The following RBFOX1 variants were observed in gnomAD, a reference collection of about 807,000 sequenced individuals.
RBFOX1 encodes the protein RNA binding protein fox-1 homolog 1.
A neutral mutation model predicts 57.7 loss-of-function variants in RBFOX1; 8 were observed. The ratio of observed to expected loss-of-function variants is 0.14; its 90% CI spans 0.08 to 0.25. The LOEUF (loss-of-function observed/expected upper bound fraction) is 0.25, where lower values mean the gene tolerates loss of function less well. Ranked by LOEUF, RBFOX1 falls within the 10% of genes least tolerant of loss-of-function variation. The pLI, the probability that RBFOX1 is intolerant of heterozygous loss-of-function variation, is 1.00. For missense variants in RBFOX1, 611 were observed against 548.5 expected (o/e 1.11, Z -1.14); for synonymous variants, 326 against 222.4 (o/e 1.47, Z -4.15).
At chr16:6,907,725 C>T (rs761492559) in intron 3 of RBFOX1, among the ~76,000 whole-genome samples, 4 of 152,066 alleles carry the variant, frequency 2.6e-5, no homozygotes, top group African/African-American at 7.2e-5. Context: ...CATGCACCAC[C>T]ATGCTTGGCT....
At position 5,673,795 on chromosome 16, in the gene RBFOX1, C is replaced by G. The variant is rs567042083; in HGVS notation, c.318+74834C>G. Among the ~76,000 whole-genome samples the G allele has an allele frequency of 1.1e-4, 17 of 152,314 alleles. No homozygotes were observed. The South Asian group carries it at 1.2e-3, about 11-fold the overall frequency. The stretch of plus-strand genomic sequence containing the variant: ...GCAGTGCATCACTGTAATTCTTGGC[C>G]TCATTGTAGGCCTTGTGGCTCTTTC... On this transcript the variant is annotated intron_variant, in intron 3 of 19. Transcript: ENST00000641259.
intron 7 of RBFOX1, among the ~76,000 whole-genome samples, chr16:7,587,881 G>A (rs2094211777): frequency 1.3e-5 from 2 of 152,196 alleles, no homozygotes; most frequent in African/African-American, 4.8e-5. Flanking sequence ...TTCAGGAGAG[G>A]TTCTGTTTCA....
At chr16:7,696,564 C>T (rs1379009755) in intron 14 of RBFOX1, among the ~76,000 whole-genome samples, 2 of 152,108 alleles carry the variant, frequency 1.3e-5, no homozygotes, top group Non-Finnish European at 2.9e-5. Flanking sequence ...CGATTAATAT[C>T]TCTAGTCCTT....
intron 4 of RBFOX1, among the ~76,000 whole-genome samples, chr16:7,234,440 G>A (rs746307860): frequency 2.6e-5 from 4 of 152,094 alleles, no homozygotes; most frequent in Non-Finnish European, 4.4e-5. Context: ...AGTGCAAGAT[G>A]CCATCAATAA....
chr16:5,737,697 C>G (rs1280259405), intron 3 of RBFOX1, among the ~76,000 whole-genome samples: 1 of 152,058 alleles, frequency 6.6e-6, no homozygotes, highest in Non-Finnish European at 1.5e-5. Context: ...ACAACCCCTT[C>G]TACAGAGCTC....
intron 1 of RBFOX1, among the ~76,000 whole-genome samples, chr16:5,411,194 C>G (rs1459132313): frequency 6.6e-6 from 1 of 152,200 alleles, no homozygotes; most frequent in Non-Finnish European, 1.5e-5. Flanking sequence ...CCTTAATCCC[C>G]AGAAAGTGCG....
At chr16:5,326,677 C>G (rs1024259750) in intron 1 of RBFOX1, among the ~76,000 whole-genome samples, 1 of 152,160 alleles carries the variant, frequency 6.6e-6, no homozygotes, top group Non-Finnish European at 1.5e-5. Context: ...AGAGGTTATC[C>G]GTTCCAATTA....
At chr16:6,681,062 G>C (rs762667901) in intron 3 of RBFOX1, among the ~76,000 whole-genome samples, 2 of 152,156 alleles carry the variant, frequency 1.3e-5, no homozygotes, top group Non-Finnish European at 2.9e-5. Context: ...CATAATGCCA[G>C]TCCTTTGCAA....
At chr16:5,870,152 A>G (rs2057434472) in intron 4 of RBFOX1, among the ~76,000 whole-genome samples, 1 of 148,986 alleles carries the variant, frequency 6.7e-6, no homozygotes, top group Admixed American at 6.7e-5. Context: ...TCTATATATT[A>G]TTTATATATA....
chr16:7,652,369 T>C lies in RBFOX1; in HGVS notation c.758-1446T>C, dbSNP rs768063290. 1.4e-4 allele frequency among the ~76,000 whole-genome samples: 22 copies of C among 152,304 alleles called. No homozygotes were observed. In the South Asian group the frequency reaches 2.1e-3, roughly 14 times the overall value. ...CTAACTCCTCCTCACCTCCTCATCT[T>C]GCTCAGAGAATTTTACCCAAGGGAA... is the stretch of plus-strand genomic sequence containing the variant. On this transcript the variant is annotated intron_variant, in intron 11 of 15. Transcript: ENST00000550418.
intron 3 of RBFOX1, among the ~76,000 whole-genome samples, chr16:6,918,570 A>C (rs1048030106): frequency 1.3e-5 from 2 of 152,164 alleles, no homozygotes; most frequent in African/African-American, 4.8e-5. Flanking sequence ...TCATTTAAAG[A>C]ATAAGTAACC....
At chr16:5,321,606 A>G (rs2151250277) in intron 1 of RBFOX1, among the ~76,000 whole-genome samples, 1 of 152,138 alleles carries the variant, frequency 6.6e-6, no homozygotes, top group East Asian at 1.9e-4. Context: ...CGTGAGCCAC[A>G]GCGCCTGGCC....
chr16:6,395,620 T>C (rs374736426), intron 2 of RBFOX1, among the ~76,000 whole-genome samples: 1 of 152,136 alleles, frequency 6.6e-6, no homozygotes, highest in South Asian at 2.1e-4. Flanking sequence ...ATTCATAACA[T>C]TTGGATTATT....
chr16:7,281,014 TCC>T, intron 4 of RBFOX1, among the ~76,000 whole-genome samples: 1 of 127,750 alleles, frequency 7.8e-6, no homozygotes. Flanking sequence ...CTTCCTTCCT[TCC>T]TTCCGAGACA....
chr16:5,801,847 T>C (rs544523055), intron 3 of RBFOX1, among the ~76,000 whole-genome samples: 1 of 152,296 alleles, frequency 6.6e-6, no homozygotes, highest in South Asian at 2.1e-4. Context: ...ATCAGAATGT[T>C]CAGTTTTGCT....
chr16:6,817,278 T>A (rs931383987), intron 3 of RBFOX1, among the ~76,000 whole-genome samples: 2 of 152,160 alleles, frequency 1.3e-5, no homozygotes, highest in African/African-American at 4.8e-5. Flanking sequence ...ACCACCTTAA[T>A]GTGTCATAGC....
At chr16:7,433,964 G>C (rs1480891691) in intron 4 of RBFOX1, among the ~76,000 whole-genome samples, 2 of 152,162 alleles carry the variant, frequency 1.3e-5, no homozygotes, top group African/African-American at 4.8e-5. Flanking sequence ...ATAGTTAAGT[G>C]CAATTTTGAG....
At chr16:7,204,093 T>A (rs529717356) in intron 4 of RBFOX1, among the ~76,000 whole-genome samples, 1 of 152,248 alleles carries the variant, frequency 6.6e-6, no homozygotes, top group Non-Finnish European at 1.5e-5. Context: ...GCTACAACTC[T>A]AATCCATGGG....
At chr16:5,853,003 C>A (rs1476611679) in intron 3 of RBFOX1, among the ~76,000 whole-genome samples, 2 of 152,136 alleles carry the variant, frequency 1.3e-5, no homozygotes, top group South Asian at 4.1e-4. Context: ...CTTTTCACTG[C>A]AGGTCCCTTG....
Sources: gnomAD v4.1 joint callset for allele counts (sites outside exome capture counted in the v4.1 genomes callset) on GRCh38, gnomAD v4.1.1 for gene constraint, MANE v1.5 for transcripts, NCBI Gene and HGNC (gene_info 2026-07-23, HGNC 2026-07-21) for gene names.